ZFYVE9: variants seen among roughly 807,000 people sequenced by gnomAD.
The protein encoded by ZFYVE9 is zinc finger FYVE domain-containing protein 9.
Under a neutral mutation model 126.7 loss-of-function variants are expected in ZFYVE9, and 43 were observed. That is an observed-to-expected ratio of 0.34 (90% CI 0.27 to 0.44). ZFYVE9 has a LOEUF of 0.44. ZFYVE9 is among the 20% of genes least tolerant of loss of function. The probability of loss-of-function intolerance (pLI) is 1.00; values close to 1 mark genes in which losing one functional copy is unlikely to be tolerated. For synonymous variants in ZFYVE9, 521 were observed against 597.4 expected (o/e 0.87, Z 1.87); for missense variants, 1,476 against 1,697.0 (o/e 0.87, Z 2.29).
At position 52,160,296 on chromosome 1, in the gene ZFYVE9, A is replaced by G. The variant is rs1398562446; in HGVS notation, c.-143+17893A>G. ...ACAACAGTTCGAATGCTCTTTCCAG[A>G]ATGCATCAGTTCAAAGGCTTTGTTG... On this transcript the variant is annotated intron_variant, in intron 1 of 18. Transcript: ENST00000287727. 10 of 1,018,708 alleles carry G rather than the reference A, an allele frequency of 9.8e-6. No homozygotes were observed. The Admixed American group carries it at 1.5e-4, about 15-fold the overall frequency. 63.1% of individuals were successfully genotyped at this position (1,018,708 alleles called of 1,614,324 possible).
intron 7 of ZFYVE9, among the ~76,000 whole-genome samples, chr1:52,270,712 C>T (rs1435220796): frequency 6.6e-6 from 1 of 151,156 alleles, no homozygotes. Context: ...GAATAGTTCT[C>T]TCTCTTTTTT....
intron 1 of ZFYVE9, among the ~76,000 whole-genome samples, chr1:52,183,254 A>T (rs1644731813): frequency 6.6e-6 from 1 of 151,964 alleles, no homozygotes; most frequent in African/African-American, 2.4e-5. Flanking sequence ...TGTAAAGTAG[A>T]TTGTTTCAAA....
chr1:52,149,075 T>C (rs1351655034), intron 1 of ZFYVE9, among the ~76,000 whole-genome samples: 1 of 145,662 alleles, frequency 6.9e-6, no homozygotes, highest in African/African-American at 2.5e-5. Context: ...ACAATTCTCC[T>C]GACCCAGCCT....
intron 1 of ZFYVE9, among the ~76,000 whole-genome samples, chr1:52,159,228 C>G (rs1241831802): frequency 6.6e-6 from 1 of 152,204 alleles, no homozygotes; most frequent in Non-Finnish European, 1.5e-5. Flanking sequence ...CAGGGCCTGT[C>G]ATGCCTCACA....
chr1:52,320,253 A>G (rs569748394), intron 13 of ZFYVE9, among the ~76,000 whole-genome samples: 176 of 151,998 alleles, frequency 1.2e-3, no homozygotes, highest in Non-Finnish European at 2.1e-3. Context: ...TATTTTTAGT[A>G]GAGACGGGGT....
intron 1 of ZFYVE9, among the ~76,000 whole-genome samples, chr1:52,148,898 C>G (rs1644328679): frequency 6.7e-6 from 1 of 149,978 alleles, no homozygotes; most frequent in African/African-American, 2.5e-5. Flanking sequence ...CTTGGCCTCC[C>G]AAAGTGCTGG....
chr1:52,311,328 G>T (rs1012889923), intron 13 of ZFYVE9, among the ~76,000 whole-genome samples: 1 of 146,828 alleles, frequency 6.8e-6, no homozygotes. Context: ...GTGGTGGCAC[G>T]ATCTTGGCTC....
At position 52,238,171 on chromosome 1, in the gene ZFYVE9, A is replaced by C; in HGVS notation, c.754A>C (p.Ile252Leu). 1 of 1,614,094 alleles carries C rather than the reference A, an allele frequency of 6.2e-7. No individual in the cohort carries two copies. ...SPSQLKDDGS[I>L]GRDPSMSAIT... ...TTCACAATTAAAGGATGACGGAAGT[A>C]TAGGTAGAGACCCCTCCATGTCTGC... Residue 252 changes from isoleucine to leucine, a missense_variant, in exon 4 of 19, where the codon ATA becomes CTA. Ile to Leu is a conservative substitution (Grantham distance 5). Coordinates refer to ENST00000287727, the MANE Select transcript of ZFYVE9 (RefSeq NM_004799.4).
chr1:52,168,118 CTT>C (rs1263953951), intron 1 of ZFYVE9, among the ~76,000 whole-genome samples: 3 of 151,008 alleles, frequency 2.0e-5, no homozygotes, highest in Non-Finnish European at 2.9e-5. Context: ...TTTAAGAAAA[CTT>C]ATTAAAATCT....
At chr1:52,258,433 G>A (rs1166740905) in intron 4 of ZFYVE9, among the ~76,000 whole-genome samples, 1 of 138,646 alleles carries the variant, frequency 7.2e-6, no homozygotes, top group Non-Finnish European at 1.6e-5. Flanking sequence ...CTGGCATTTA[G>A]CAACCTGTGC....
Position 52,193,029 on chromosome 1 carries a change from A to G in ZFYVE9, c.-142-23340A>G, listed in dbSNP as rs138591518. On this transcript the variant is annotated intron_variant, in intron 1 of 18. Coordinates refer to ENST00000287727, the MANE Select transcript of ZFYVE9 (RefSeq NM_004799.4). Reference sequence around the variant, plus strand: ...GATAAGGGACTTGAGGCACAAGAATAGATGTCCAAGGTCAGACATCTCATG... The same window carrying G: ...GATAAGGGACTTGAGGCACAAGAATGGATGTCCAAGGTCAGACATCTCATG... Among the ~76,000 whole-genome samples, 485 of 152,300 alleles carry G rather than the reference A, an allele frequency of 3.2e-3. 2 individuals carry two copies. The highest frequency in any genetic ancestry group is 0.011 in the African/African-American group (458 of 41,556).
intron 15 of ZFYVE9, among the ~76,000 whole-genome samples, chr1:52,336,947 T>TAAAAAAAAAAAAAAAAAAAA (rs71041896): frequency 3.7e-5 from 4 of 107,848 alleles, no homozygotes; most frequent in South Asian, 3.8e-4. Flanking sequence ...AGTCATCTCT[T>TAAAAAAAAAAAAAAAAAAAA]AAAAAAAAAA....
chr1:52,248,363 A>G (rs951305999), intron 4 of ZFYVE9, among the ~76,000 whole-genome samples: 5 of 152,344 alleles, frequency 3.3e-5, no homozygotes, highest in South Asian at 2.1e-4. Flanking sequence ...AGACTCAGCA[A>G]GCAGGCTTAT....
Position 52,238,102 on chromosome 1 carries a change from C to T in ZFYVE9, c.685C>T (p.Leu229=), listed in dbSNP as rs1645293124. ...PKTEGRSVNH[L]CPTSSDSLAS... is the part of the protein sequence containing the mutation. Reference sequence around the variant, plus strand: ...AACAGAGGGGAGATCTGTTAACCATCTGTGTCCTACTTCATCTGATAGTCT... The same window carrying T: ...AACAGAGGGGAGATCTGTTAACCATTTGTGTCCTACTTCATCTGATAGTCT... The change falls in exon 4 of 19, where the codon CTG becomes TTG. Residue 229 remains leucine (L), a synonymous_variant. Transcript: ENST00000287727. The T allele has an allele frequency of 6.2e-7, 1 of 1,614,094 alleles. No individual in the cohort carries two copies. The highest frequency in any genetic ancestry group is 1.3e-5 in the African/African-American group (1 of 75,038).
chr1:52,308,189 T>G (rs1157145418), intron 13 of ZFYVE9, among the ~76,000 whole-genome samples: 1 of 152,204 alleles, frequency 6.6e-6, no homozygotes, highest in Admixed American at 6.5e-5. Context: ...TTTCTTTTCT[T>G]TTCTTTTTGG....
intron 4 of ZFYVE9, among the ~76,000 whole-genome samples, chr1:52,254,730 G>A (rs1004673965): frequency 6.6e-6 from 1 of 152,124 alleles, no homozygotes; most frequent in African/African-American, 2.4e-5. Context: ...CCTTTGGGAG[G>A]CCAAGGTGAG....
At chr1:52,256,182 C>T (rs1431435566) in intron 4 of ZFYVE9, among the ~76,000 whole-genome samples, 1 of 151,466 alleles carries the variant, frequency 6.6e-6, no homozygotes. Flanking sequence ...TCTCCTGCCT[C>T]AGCCTCCCAA....
chr1:52,234,559 A>G (rs1645256222), intron 3 of ZFYVE9, among the ~76,000 whole-genome samples: 1 of 152,204 alleles, frequency 6.6e-6, no homozygotes, highest in Non-Finnish European at 1.5e-5. Context: ...AAGACAGATT[A>G]GTTTTGACTT....
In ZFYVE9 at chr1:52,340,222, A is replaced by G. The variant is rs890895775; in HGVS notation, c.3930A>G (p.Arg1310=). 6.2e-7 allele frequency: 1 copy of G among 1,613,406 alleles called. No individual in the cohort carries two copies. Among genetic ancestry groups the G allele is most frequent in the South Asian group, 1.1e-5 (1 of 91,070 alleles). ...SEYKANGKVI[R]WTEVFFLEND... is the part of the protein sequence containing the mutation. ...ATAAAGCAAATGGAAAAGTAATCAGATGGACAGAGGTAAGGAAATGAAACT... is the reference window on the plus strand; with the variant it reads ...ATAAAGCAAATGGAAAAGTAATCAGGTGGACAGAGGTAAGGAAATGAAACT... The change falls in exon 17 of 19, where the codon AGA becomes AGG. Residue 1310 remains arginine, a synonymous_variant. Coordinates refer to ENST00000287727, the MANE Select transcript of ZFYVE9 (RefSeq NM_004799.4).
Sources: gnomAD v4.1 joint callset for allele counts (sites outside exome capture counted in the v4.1 genomes callset) on GRCh38, gnomAD v4.1.1 for gene constraint, MANE v1.5 for transcripts, NCBI Gene and HGNC (gene_info 2026-07-23, HGNC 2026-07-21) for gene names.